Variants in GALNT10 observed in about 807,000 individuals in gnomAD.
GALNT10 encodes polypeptide N-acetylgalactosaminyltransferase 10.
Under a neutral mutation model 75.0 loss-of-function variants are expected in GALNT10, and 41 were observed. The ratio of observed to expected loss-of-function variants is 0.55; its 90% CI spans 0.43 to 0.71. The LOEUF is 0.71. Ranked by LOEUF, GALNT10 falls within the 30% of genes least tolerant of loss-of-function variation. The pLI is 0.00. For missense variants in GALNT10, 727 were observed against 818.5 expected (o/e 0.89, Z 1.36); for synonymous variants, 302 against 313.0 (o/e 0.96, Z 0.37).
rs1756420892 is a variant in GALNT10, at chr5:154,412,582, C to T, written c.1387-307C>T. On this transcript the variant is annotated intron_variant, in intron 9 of 11. Coordinates refer to ENST00000297107, the MANE Select transcript of GALNT10 (RefSeq NM_198321.4). The surrounding 1 kb of genome is among the most constrained non-coding windows in gnomAD (Gnocchi z 4.2). The stretch of plus-strand genomic sequence containing the variant: ...GTTCCTGGACCTGTCGGTTCAATTT[C>T]TCCAGGAGTAGGGCCAGGGAGTCCT... 3.2e-6 allele frequency: 1 copy of T among 314,226 alleles called. No individual in the cohort carries two copies. Among genetic ancestry groups the T allele is most frequent in the Non-Finnish European group, 6.0e-6 (1 of 165,414 alleles). 19.5% of individuals were successfully genotyped at this position (314,226 alleles called of 1,614,324 possible).
chr5:154,217,005 C>T (rs1204643347), intron 1 of GALNT10, among the ~76,000 whole-genome samples: 3 of 152,164 alleles, frequency 2.0e-5, no homozygotes, highest in Admixed American at 6.5e-5. Flanking sequence ...ATTATGAGAC[C>T]GTTGTTACCT....
intron 1 of GALNT10, among the ~76,000 whole-genome samples, chr5:154,243,492 T>C (rs1429962445): frequency 6.6e-6 from 1 of 152,030 alleles, no homozygotes; most frequent in Non-Finnish European, 1.5e-5. Context: ...TACGTAGTGG[T>C]TAATAATGCA....
chr5:154,246,842 T>C (rs1487619847), intron 1 of GALNT10, among the ~76,000 whole-genome samples: 2 of 152,382 alleles, frequency 1.3e-5, no homozygotes, highest in South Asian at 2.1e-4. Context: ...TTTTGGCTTT[T>C]GTTGCCATTG....
chr5:154,388,491 C>T (rs745411048), intron 7 of GALNT10: 6 of 152,240 alleles, frequency 3.9e-5, no homozygotes, highest in South Asian at 4.1e-4. Context: ...TTATTATACC[C>T]GTTTCACCAG....
At chr5:154,261,953 C>T (rs1753704279) in intron 1 of GALNT10, among the ~76,000 whole-genome samples, 2 of 152,088 alleles carry the variant, frequency 1.3e-5, no homozygotes, top group Admixed American at 1.3e-4. Flanking sequence ...CATCTATCTG[C>T]CCTATTTGGG....
chr5:154,395,947 G>C (rs1428154262), intron 7 of GALNT10, among the ~76,000 whole-genome samples: 1 of 152,206 alleles, frequency 6.6e-6, no homozygotes, highest in Non-Finnish European at 1.5e-5. Flanking sequence ...CCCTGCAGGT[G>C]CTTCCGATGA....
rs138449797 is a variant in GALNT10 at position 154,412,661 on chromosome 5, C to G, written c.1387-228C>G. ...CCACCAACCCAGGACTCTGCATACT[C>G]TACAATACTACTTACAGCAGTGCTT... On this transcript the variant is annotated intron_variant, in intron 9 of 11. Coordinates refer to ENST00000297107, the MANE Select transcript of GALNT10 (RefSeq NM_198321.4). The surrounding 1 kb of genome is among the most constrained non-coding windows in gnomAD (Gnocchi z 4.2). 54 of 479,468 alleles carry G rather than the reference C, an allele frequency of 1.1e-4. 1 individual carries two copies. Among genetic ancestry groups the G allele is most frequent in the African/African-American group, 9.4e-4 (48 of 50,826 alleles). 29.7% of individuals were successfully genotyped at this position (479,468 alleles called of 1,614,324 possible). A position where few individuals can be genotyped will look rare whatever the true frequency, so the allele number is the denominator to read the frequency against.
chr5:154,250,585 G>A (rs1753501330), intron 1 of GALNT10, among the ~76,000 whole-genome samples: 2 of 152,112 alleles, frequency 1.3e-5, no homozygotes, highest in Non-Finnish European at 2.9e-5. Context: ...TGCAGTTCCA[G>A]ACATCACACA....
intron 4 of GALNT10, among the ~76,000 whole-genome samples, chr5:154,344,940 C>T (rs1462801076): frequency 6.6e-6 from 1 of 152,186 alleles, no homozygotes; most frequent in South Asian, 2.1e-4. Context: ...GACAAGCTGC[C>T]AGTCCCCTCC....
chr5:154,301,436 G>A (rs1400454767), intron 3 of GALNT10, among the ~76,000 whole-genome samples: 3 of 151,664 alleles, frequency 2.0e-5, no homozygotes, highest in African/African-American at 7.3e-5. Flanking sequence ...ATATTTATGA[G>A]ATACATGTGA....
chr5:154,307,803 C>T (rs866081992), intron 3 of GALNT10, among the ~76,000 whole-genome samples: 20 of 151,512 alleles, frequency 1.3e-4, no homozygotes, highest in African/African-American at 4.8e-4. Flanking sequence ...GTGGTATCAT[C>T]GTCATTATTC....
chr5:154,278,216 T>C (rs1268341871), intron 1 of GALNT10, among the ~76,000 whole-genome samples: 1 of 151,518 alleles, frequency 6.6e-6, no homozygotes, highest in Non-Finnish European at 1.5e-5. Context: ...CAAAACTGGA[T>C]TGCACACTGC....
chr5:154,363,192 G>T (rs1243789848), intron 4 of GALNT10, among the ~76,000 whole-genome samples: 1 of 152,096 alleles, frequency 6.6e-6, no homozygotes, highest in African/African-American at 2.4e-5. Context: ...TGGGATATTG[G>T]GTGAGAAATA....
intron 4 of GALNT10, among the ~76,000 whole-genome samples, chr5:154,361,008 T>C (rs936583721): frequency 6.6e-6 from 1 of 152,210 alleles, no homozygotes; most frequent in Non-Finnish European, 1.5e-5. Flanking sequence ...TTATAAATTG[T>C]TTATTAAAAA....
chr5:154,395,265 C>A (rs1393468526), intron 7 of GALNT10, among the ~76,000 whole-genome samples: 1 of 152,250 alleles, frequency 6.6e-6, no homozygotes, highest in Non-Finnish European at 1.5e-5. Flanking sequence ...TCATAACCCT[C>A]AGGTAAGGAG....
chr5:154,384,710 T>C (rs535973974), intron 6 of GALNT10, among the ~76,000 whole-genome samples: 100 of 152,348 alleles, frequency 6.6e-4, no homozygotes, highest in African/African-American at 2.3e-3. Flanking sequence ...ATGCATCACC[T>C]GCTTCTCGAG....
At chr5:154,285,785 A>G (rs1754102036) in intron 1 of GALNT10, among the ~76,000 whole-genome samples, 1 of 152,090 alleles carries the variant, frequency 6.6e-6, no homozygotes, top group South Asian at 2.1e-4. Flanking sequence ...ACCTCCTTAT[A>G]GAAAACACTT....
At chr5:154,222,159 T>C (rs1317086673) in intron 1 of GALNT10, among the ~76,000 whole-genome samples, 1 of 152,162 alleles carries the variant, frequency 6.6e-6, no homozygotes, top group Non-Finnish European at 1.5e-5. Context: ...TGCCTGCTTT[T>C]TGTCTTTCTG....
Position 154,416,480 on chromosome 5 carries a change from T to TGCACACAC in GALNT10, c.1654-334_1654-333insGCACACAC, listed in dbSNP as rs372126311. Among the ~76,000 whole-genome samples the TGCACACAC allele has an allele frequency of 3.9e-4, 55 of 141,932 alleles. 1 individual carries two copies. The East Asian group carries it at 5.2e-3, about 13-fold the overall frequency. 93.1% of individuals were successfully genotyped at this position (141,932 alleles called of 152,430 possible). A position where few individuals can be genotyped will look rare whatever the true frequency, so the allele number is the denominator to read the frequency against. ...AAATAAAAGATAAAAGGAAAGCACA[T>TGCACACAC]ACACACACACACACACACACACACA... On this transcript the variant is annotated intron_variant, in intron 11 of 11. Transcript: ENST00000297107. The surrounding 1 kb of genome is among the most constrained non-coding windows in gnomAD (Gnocchi z 4.5).
Sources: allele counts gnomAD v4.1 joint callset (sites outside exome capture counted in the v4.1 genomes callset), GRCh38; gene constraint gnomAD v4.1.1; non-coding constraint Gnocchi (gnomAD v3.1); transcripts MANE v1.5; gene names NCBI Gene and HGNC (gene_info 2026-07-23, HGNC 2026-07-21).